Variants in NRXN1 observed in about 807,000 individuals in gnomAD.
NRXN1 encodes neurexin-1.
In NRXN1, 39 loss-of-function variants were observed where a neutral mutation model predicts 150.9. The ratio of observed to expected loss-of-function variants is 0.26; its 90% CI spans 0.20 to 0.34. The LOEUF (loss-of-function observed/expected upper bound fraction) is 0.34, where lower values mean the gene tolerates loss of function less well. NRXN1 is among the 10% of genes least tolerant of loss of function. The pLI is 1.00. For synonymous variants in NRXN1, 924 were observed against 757.0 expected, an observed-to-expected ratio of 1.22 and a Z score of -3.62; for missense variants, 1,815 against 1,949.9, an observed-to-expected ratio of 0.93 and a Z score of 1.30.
At chr2:50,859,745 T>C (rs550214580) in intron 5 of NRXN1, among the ~76,000 whole-genome samples, 1 of 151,706 alleles carries the variant, frequency 6.6e-6, no homozygotes, top group East Asian at 2.0e-4. Flanking sequence ...AATTCAGCCT[T>C]GAGAAACTAC....
intron 21 of NRXN1, among the ~76,000 whole-genome samples, chr2:49,995,557 G>A (rs534301688): frequency 4.0e-5 from 6 of 151,732 alleles, no homozygotes; most frequent in South Asian, 2.1e-4. Flanking sequence ...CGAGGCGGGC[G>A]GATCACGAGG....
At chr2:50,019,485 A>C (rs2152557383) in intron 21 of NRXN1, among the ~76,000 whole-genome samples, 1 of 151,158 alleles carries the variant, frequency 6.6e-6, no homozygotes, top group East Asian at 2.0e-4. Flanking sequence ...TCTACTAAAA[A>C]TACAAAAATT....
At chr2:51,000,521 T>C (rs761441291) in intron 2 of NRXN1, among the ~76,000 whole-genome samples, 41 of 144,822 alleles carry the variant, frequency 2.8e-4, no homozygotes, top group Middle Eastern at 3.5e-3. Flanking sequence ...TTATATGAAA[T>C]TGCTAATATT....
At chr2:50,579,100 A>T (rs1046342858) in intron 8 of NRXN1, among the ~76,000 whole-genome samples, 7 of 152,308 alleles carry the variant, frequency 4.6e-5, no homozygotes, top group Non-Finnish European at 1.0e-4. Context: ...ATATGATCCT[A>T]ATCTTAATGT....
intron 8 of NRXN1, among the ~76,000 whole-genome samples, chr2:50,557,522 C>A (rs1013787582): frequency 2.0e-5 from 3 of 152,080 alleles, no homozygotes; most frequent in Non-Finnish European, 2.9e-5. Flanking sequence ...GAGAGAATTC[C>A]AGCTCACTCA....
At chr2:49,944,438 G>C (rs2104388255) in intron 21 of NRXN1, among the ~76,000 whole-genome samples, 1 of 152,250 alleles carries the variant, frequency 6.6e-6, no homozygotes, top group Non-Finnish European at 1.5e-5. Flanking sequence ...TCATCATTAT[G>C]GTTTCATAAT....
intron 15 of NRXN1, among the ~76,000 whole-genome samples, chr2:50,487,351 TA>T (rs1214672382): frequency 6.6e-6 from 1 of 152,102 alleles, no homozygotes; most frequent in East Asian, 1.9e-4. Context: ...CCAAAATAAT[TA>T]ATTGCAAAGG....
chr2:50,311,784 A>G (rs748524276), intron 17 of NRXN1, among the ~76,000 whole-genome samples: 6 of 152,126 alleles, frequency 3.9e-5, no homozygotes, highest in Non-Finnish European at 5.9e-5. Flanking sequence ...TATTTAGCTT[A>G]GCTTTCAAAC....
At chr2:50,092,744 T>G (rs1327632600) in intron 18 of NRXN1, among the ~76,000 whole-genome samples, 1 of 152,208 alleles carries the variant, frequency 6.6e-6, no homozygotes, top group Non-Finnish European at 1.5e-5. Context: ...GATGTTATTT[T>G]GCAGTATTGC....
chr2:50,587,748 T>C (rs1029126659), intron 8 of NRXN1, among the ~76,000 whole-genome samples: 42 of 152,044 alleles, frequency 2.8e-4, no homozygotes, highest in African/African-American at 5.1e-4. Context: ...AATGATAAGA[T>C]AGAGAATACA....
At chr2:50,502,759 T>G (rs2092014775) in intron 13 of NRXN1, among the ~76,000 whole-genome samples, 1 of 152,196 alleles carries the variant, frequency 6.6e-6, no homozygotes, top group Non-Finnish European at 1.5e-5. Flanking sequence ...TATGTTTATA[T>G]GTACATATAA....
At chr2:50,738,806 T>C (rs948378530) in intron 5 of NRXN1, among the ~76,000 whole-genome samples, 1 of 152,126 alleles carries the variant, frequency 6.6e-6, no homozygotes, top group Non-Finnish European at 1.5e-5. Flanking sequence ...AGCCTCACAA[T>C]CACGATGTTA....
At chr2:50,979,251 T>C (rs1696396220) in intron 2 of NRXN1, 1 of 517,782 alleles carries the variant, frequency 1.9e-6, no homozygotes. Context: ...CCAGCTAAGA[T>C]AAACAGATGC....
intron 12 of NRXN1, among the ~76,000 whole-genome samples, chr2:50,507,333 A>G (rs1487710391): frequency 3.9e-5 from 6 of 151,988 alleles, no homozygotes; most frequent in East Asian, 1.9e-4. Flanking sequence ...AGGTGTAGGT[A>G]TAAGTATTGA....
intron 2 of NRXN1, among the ~76,000 whole-genome samples, chr2:50,978,305 T>TATATATATATATATATATATAA (rs1436964052): frequency 8.2e-6 from 1 of 121,630 alleles, no homozygotes; most frequent in African/African-American, 2.9e-5. Context: ...TATATATATA[T>TATATATATATATATATATATAA]AAAATATATA....
chr2:49,943,416 A>G (rs1464751299), intron 22 of NRXN1, among the ~76,000 whole-genome samples: 2 of 152,214 alleles, frequency 1.3e-5, no homozygotes, highest in South Asian at 2.1e-4. Flanking sequence ...TTATATTGTT[A>G]CACACAAAAA....
chr2:50,088,092 A>T (rs1212541972), intron 19 of NRXN1, among the ~76,000 whole-genome samples: 7 of 152,144 alleles, frequency 4.6e-5, no homozygotes, highest in Non-Finnish European at 1.0e-4. Flanking sequence ...TCTAATAAAA[A>T]TAACCCCAAA....
rs1257698471 is a variant in NRXN1, at chr2:49,920,244, AT to A, written c.*1699del. 4 of 152,256 alleles carry A rather than the reference AT, an allele frequency of 2.6e-5. No individual in the cohort carries two copies. Among genetic ancestry groups the A allele is most frequent in the Non-Finnish European group, 5.9e-5 (4 of 68,016 alleles). 9.4% of individuals were successfully genotyped at this position (152,256 alleles called of 1,614,324 possible). A position where few individuals can be genotyped will look rare whatever the true frequency, so the allele number is the denominator to read the frequency against. On this transcript the variant is annotated 3_prime_UTR_variant, in exon 23 of 23. Coordinates refer to ENST00000401669, the MANE Select transcript of NRXN1 (RefSeq NM_001330078.2). ...CATAGTCAATAATTAACAGAGAATG[AT>A]TTTTTAAGTGGGTAGTAATACAGAA...
chr2:50,574,022 T>C (rs1671042523), intron 8 of NRXN1, among the ~76,000 whole-genome samples: 1 of 152,108 alleles, frequency 6.6e-6, no homozygotes, highest in Non-Finnish European at 1.5e-5. Context: ...TATGTCTTGT[T>C]ATTTGTGTTG....
Sources: allele counts gnomAD v4.1 joint callset (sites outside exome capture counted in the v4.1 genomes callset), GRCh38; gene constraint gnomAD v4.1.1; transcripts MANE v1.5; gene names NCBI Gene and HGNC (gene_info 2026-07-23, HGNC 2026-07-21).